The following GRID2 variants were observed in gnomAD, a reference collection of about 807,000 sequenced individuals.
GRID2 encodes the protein glutamate receptor ionotropic, delta-2.
In GRID2, 33 loss-of-function variants were observed where a neutral mutation model predicts 114.8. The observed-to-expected ratio is 0.29, with a 90% CI of 0.22 to 0.38. The LOEUF (loss-of-function observed/expected upper bound fraction) is 0.38. Among genes scored for constraint, GRID2 ranks in the 10% least tolerant of loss-of-function variants. The pLI is 1.00. For missense variants in GRID2, 1,184 were observed against 1,257.7 expected (o/e 0.94, Z 0.89); for synonymous variants, 505 against 449.9 (o/e 1.12, Z -1.55).
At chr4:92,463,419 A>G (rs751135605) in intron 1 of GRID2, among the ~76,000 whole-genome samples, 1 of 151,988 alleles carries the variant, frequency 6.6e-6, no homozygotes, top group Non-Finnish European at 1.5e-5. Context: ...TATGATAACA[A>G]TTTAACTAAA....
intron 2 of GRID2, among the ~76,000 whole-genome samples, chr4:92,730,291 A>ATGG (rs1179954220): frequency 1.3e-5 from 2 of 151,966 alleles, no homozygotes; most frequent in African/African-American, 4.8e-5. Context: ...TGTCACAGCA[A>ATGG]TGGTGATCTC....
At chr4:93,807,865 C>T (rs552960128) in exon 2 of GRID2, 1 of 152,228 alleles carries the variant, frequency 6.6e-6, no homozygotes, top group Admixed American at 6.5e-5. Flanking sequence ...AATCCTTTCC[C>T]TAAGAAGTTT....
chr4:93,081,662 T>C (rs1490014939), intron 2 of GRID2, among the ~76,000 whole-genome samples: 1 of 152,162 alleles, frequency 6.6e-6, no homozygotes, highest in African/African-American at 2.4e-5. Context: ...TGTGCATATA[T>C]AGTATAAATA....
chr4:92,320,607 A>G (rs1213046158), intron 1 of GRID2, among the ~76,000 whole-genome samples: 1 of 151,842 alleles, frequency 6.6e-6, no homozygotes, highest in African/African-American at 2.4e-5. Flanking sequence ...CCCAAGTAAC[A>G]GGGATTACAG....
chr4:93,375,726 C>T (rs1261549078), intron 8 of GRID2, among the ~76,000 whole-genome samples: 2 of 152,192 alleles, frequency 1.3e-5, no homozygotes, highest in Non-Finnish European at 2.9e-5. Flanking sequence ...TGAAAACAAA[C>T]TCTACCTCAG....
At chr4:92,860,767 C>T (rs1399025895) in intron 2 of GRID2, among the ~76,000 whole-genome samples, 2 of 151,998 alleles carry the variant, frequency 1.3e-5, no homozygotes, top group African/African-American at 4.8e-5. Flanking sequence ...TGCCATTTCG[C>T]CTGAACCCTA....
chr4:92,443,870 C>A (rs1241564668), intron 1 of GRID2, among the ~76,000 whole-genome samples: 1 of 152,184 alleles, frequency 6.6e-6, no homozygotes, highest in African/African-American at 2.4e-5. Context: ...CAAGGGAAGG[C>A]TGCCTTTCCA....
chr4:93,267,296 C>T (rs993309918), intron 8 of GRID2, among the ~76,000 whole-genome samples: 8 of 151,946 alleles, frequency 5.3e-5, no homozygotes, highest in Non-Finnish European at 7.4e-5. Context: ...ACTAACTCTA[C>T]GCTGGGCTGG....
At chr4:93,113,722 T>A (rs1457810187) in intron 4 of GRID2, among the ~76,000 whole-genome samples, 1 of 152,070 alleles carries the variant, frequency 6.6e-6, no homozygotes, top group Non-Finnish European at 1.5e-5. Context: ...CCATGTCTGG[T>A]TGTAGAGGTA....
intron 2 of GRID2, among the ~76,000 whole-genome samples, chr4:92,917,653 T>G (rs2149498789): frequency 6.6e-6 from 1 of 152,216 alleles, no homozygotes; most frequent in East Asian, 1.9e-4. Flanking sequence ...AAAGATCAGA[T>G]AGTTGTAGAT....
At position 92,411,655 on chromosome 4, in the gene GRID2, G is replaced by GTATATATA. The variant is rs70940887; in HGVS notation, c.88+106927_88+106934dup. Among the ~76,000 whole-genome samples the GTATATATA allele has an allele frequency of 7.4e-4, 63 of 84,690 alleles. 2 individuals carry two copies. The highest frequency in any genetic ancestry group is 1.4e-3 in the Admixed American group (12 of 8,602). The allele number at this position is 84,690 out of a possible 152,430, so 55.6% of individuals were successfully genotyped here. ...TGTGTGTGTGTGTGTGTGTGTGTGT[G>GTATATATA]TATATATATATATATATATATATGA... On this transcript the variant is annotated intron_variant, in intron 1 of 15. Coordinates refer to ENST00000282020, the MANE Select transcript of GRID2 (RefSeq NM_001510.4).
chr4:92,845,201 T>C (rs1371795502), intron 2 of GRID2, among the ~76,000 whole-genome samples: 3 of 152,122 alleles, frequency 2.0e-5, no homozygotes, highest in East Asian at 1.9e-4. Context: ...GGCACTTTGA[T>C]TGATTTTTCT....
intron 2 of GRID2, among the ~76,000 whole-genome samples, chr4:92,939,014 G>C (rs943229329): frequency 6.8e-6 from 1 of 146,496 alleles, no homozygotes; most frequent in Admixed American, 7.4e-5. Flanking sequence ...GAATAGTGCC[G>C]CAATAAACAT....
At chr4:92,772,419 C>A (rs1012974813) in intron 2 of GRID2, among the ~76,000 whole-genome samples, 3 of 151,972 alleles carry the variant, frequency 2.0e-5, no homozygotes, top group South Asian at 2.1e-4. Flanking sequence ...CAGTTTATGG[C>A]GTTTGAGTCA....
At chr4:93,526,187 T>G (rs1056388338) in intron 13 of GRID2, among the ~76,000 whole-genome samples, 1 of 152,108 alleles carries the variant, frequency 6.6e-6, no homozygotes. Flanking sequence ...CTCACAATAG[T>G]GAGTGAGTTC....
chr4:92,501,061 G>A (rs1723660071), intron 1 of GRID2, among the ~76,000 whole-genome samples: 1 of 152,108 alleles, frequency 6.6e-6, no homozygotes, highest in Non-Finnish European at 1.5e-5. Flanking sequence ...CAGATGCTCT[G>A]CCAACCCCTG....
At chr4:92,825,519 G>A (rs181042308) in intron 2 of GRID2, among the ~76,000 whole-genome samples, 3 of 152,290 alleles carry the variant, frequency 2.0e-5, no homozygotes, top group Admixed American at 2.0e-4. Flanking sequence ...GGCTTCTGCA[G>A]TCTTGTCTGT....
rs371812616 is a variant in GRID2, at chr4:92,893,063, A to G, written c.245-191932A>G. Among the ~76,000 whole-genome samples, 16 of 152,326 alleles carry G rather than the reference A, an allele frequency of 1.1e-4. 1 individual carries two copies. The highest frequency in any genetic ancestry group is 3.8e-4 in the African/African-American group (16 of 41,596). ...ACTTTGAAAATCAATGTTGAATGTG[A>G]ATGTTTCTGGTTTTCTTTTTCTTGG... On this transcript the variant is annotated intron_variant, in intron 2 of 15. Transcript: ENST00000282020.
At chr4:93,608,739 C>CT (rs199985253) in intron 13 of GRID2, among the ~76,000 whole-genome samples, 2,472 of 137,120 alleles carry the variant, frequency 0.018, 348 homozygotes, top group Non-Finnish European at 0.027. Context: ...GGTTCCAAGT[C>CT]TTTGCTATTG....
Sources: allele counts gnomAD v4.1 joint callset (sites outside exome capture counted in the v4.1 genomes callset), GRCh38; gene constraint gnomAD v4.1.1; transcripts MANE v1.5; gene names NCBI Gene and HGNC (gene_info 2026-07-23, HGNC 2026-07-21).